The following EDIL3 variants were observed in gnomAD, a reference collection of about 807,000 sequenced individuals.
EDIL3 encodes EGF-like repeat and discoidin I-like domain-containing protein 3.
Under a neutral mutation model 67.4 loss-of-function variants are expected in EDIL3, and 37 were observed. That is an observed-to-expected ratio of 0.55 (90% confidence interval 0.42 to 0.72). EDIL3 has a LOEUF of 0.72. EDIL3 is among the 30% of genes least tolerant of loss of function. The pLI is 0.00. For missense variants in EDIL3, 527 were observed against 586.3 expected, an observed-to-expected ratio of 0.90 and a Z score of 1.04; for synonymous variants, 195 against 196.3, an observed-to-expected ratio of 0.99 and a Z score of 0.05.
intron 1 of EDIL3, among the ~76,000 whole-genome samples, chr5:84,331,322 G>A (rs2112165975): frequency 6.6e-6 from 1 of 152,238 alleles, no homozygotes; most frequent in East Asian, 1.9e-4. Flanking sequence ...GGGATGGACT[G>A]ATATGGTTTG....
At chr5:83,963,401 A>G (rs771732336) in intron 9 of EDIL3, 41 bp from the exon 10 acceptor site, 43 of 1,548,366 alleles carry the variant, frequency 2.8e-5, no homozygotes, top group Non-Finnish European at 3.6e-5. Context: ...TGCGACAACC[A>G]AGTTGTAAAC....
intron 4 of EDIL3, among the ~76,000 whole-genome samples, chr5:84,157,835 C>T (rs868552115): frequency 9.2e-5 from 14 of 151,814 alleles, no homozygotes; most frequent in Admixed American, 2.0e-4. Context: ...AATAACGTAA[C>T]GCTAAATGTA....
intron 1 of EDIL3, among the ~76,000 whole-genome samples, chr5:84,322,961 G>T (rs1746680331): frequency 6.6e-6 from 1 of 151,882 alleles, no homozygotes; most frequent in Non-Finnish European, 1.5e-5. Context: ...CCTGTATCCT[G>T]CAATACTGTC....
intron 1 of EDIL3, among the ~76,000 whole-genome samples, chr5:84,322,943 T>C (rs1450808387): frequency 6.6e-6 from 1 of 151,834 alleles, no homozygotes; most frequent in Admixed American, 6.6e-5. Flanking sequence ...AAAATGTCAA[T>C]CAAGAATCCT....
Position 84,139,559 on chromosome 5 carries a change from T to A in EDIL3, c.356-2205A>T, listed in dbSNP as rs1049085574. ...ACTCAATTATGCATGACAATAACAA[T>A]GTTTGGCTACCTTGGAACATGCCCA... On this transcript the variant is annotated intron_variant, in intron 4 of 10. Transcript: ENST00000296591. Among the ~76,000 whole-genome samples, 9 of 152,248 alleles carry A rather than the reference T, an allele frequency of 5.9e-5. 1 individual carries two copies. Among genetic ancestry groups the A allele is most frequent in the Admixed American group, 5.9e-4 (9 of 15,282 alleles).
intron 9 of EDIL3, among the ~76,000 whole-genome samples, chr5:84,054,346 A>G (rs1451489623): frequency 1.3e-5 from 2 of 152,222 alleles, no homozygotes; most frequent in African/African-American, 4.8e-5. Context: ...ACTCACAGCC[A>G]ATATCATACT....
chr5:84,188,915 G>A (rs888749971), intron 3 of EDIL3, among the ~76,000 whole-genome samples: 1 of 152,044 alleles, frequency 6.6e-6, no homozygotes, highest in Non-Finnish European at 1.5e-5. Flanking sequence ...TGTAATGGAA[G>A]CCCTAGCAAA....
At chr5:84,277,994 C>A (rs762861543) in intron 1 of EDIL3, among the ~76,000 whole-genome samples, 1 of 152,126 alleles carries the variant, frequency 6.6e-6, no homozygotes, top group Admixed American at 6.6e-5. Context: ...TTTGTGTGTA[C>A]CATATTTTCC....
chr5:84,277,203 G>A (rs1233049275), intron 1 of EDIL3, among the ~76,000 whole-genome samples: 1 of 152,068 alleles, frequency 6.6e-6, no homozygotes, highest in African/African-American at 2.4e-5. Flanking sequence ...CCCCCAAGGC[G>A]ATGGTATTAA....
intron 1 of EDIL3, among the ~76,000 whole-genome samples, chr5:84,371,319 G>GTA (rs71607709): frequency 0.051 from 5,847 of 115,374 alleles, 214 homozygotes; most frequent in African/African-American, 0.096. Flanking sequence ...TAGATAAAAA[G>GTA]TATATATATA....
At chr5:84,062,811 A>C (rs1444241087) in intron 8 of EDIL3, among the ~76,000 whole-genome samples, 1 of 152,088 alleles carries the variant, frequency 6.6e-6, no homozygotes, top group Non-Finnish European at 1.5e-5. Flanking sequence ...TGTTACAGCT[A>C]ACCTCTCTGC....
intron 9 of EDIL3, among the ~76,000 whole-genome samples, chr5:84,039,718 T>C (rs1746086169): frequency 6.6e-6 from 1 of 152,124 alleles, no homozygotes; most frequent in African/African-American, 2.4e-5. Context: ...GAATTTCAGA[T>C]AAACTACATT....
chr5:84,051,220 C>T (rs111545589), intron 9 of EDIL3, among the ~76,000 whole-genome samples: 109 of 152,316 alleles, frequency 7.2e-4, no homozygotes, highest in African/African-American at 2.4e-3. Flanking sequence ...AGCAGACCTC[C>T]AGCAAACTCC....
At chr5:84,360,545 A>G (rs1747576059) in intron 1 of EDIL3, among the ~76,000 whole-genome samples, 1 of 152,230 alleles carries the variant, frequency 6.6e-6, no homozygotes, top group African/African-American at 2.4e-5. Context: ...ATCATTTCCT[A>G]TTAGATTAGT....
At chr5:84,209,741 T>C (rs560358153) in intron 3 of EDIL3, among the ~76,000 whole-genome samples, 3 of 152,352 alleles carry the variant, frequency 2.0e-5, no homozygotes, top group African/African-American at 7.2e-5. Context: ...GCGGTAACAC[T>C]GAGCAACAGA....
chr5:84,270,540 A>T (rs972102690), intron 1 of EDIL3, among the ~76,000 whole-genome samples: 28 of 152,334 alleles, frequency 1.8e-4, no homozygotes, highest in Middle Eastern at 3.4e-3. Context: ...AATTAATTCT[A>T]GAACAATTCT....
intron 3 of EDIL3, among the ~76,000 whole-genome samples, chr5:84,212,319 T>C (rs186822563): frequency 2.0e-5 from 3 of 152,282 alleles, no homozygotes; most frequent in Admixed American, 1.3e-4. Context: ...ATGAGTCCAG[T>C]TGAGAATGAG....
chr5:84,271,414 T>TATAAATAA (rs1370904698), intron 1 of EDIL3, among the ~76,000 whole-genome samples: 3 of 96,340 alleles, frequency 3.1e-5, no homozygotes, highest in African/African-American at 8.3e-5. Context: ...ACTCTGTCTC[T>TATAAATAA]ACAAATAAAT....
At chr5:83,949,918 G>T (rs1467179181) in intron 10 of EDIL3, among the ~76,000 whole-genome samples, 2 of 151,812 alleles carry the variant, frequency 1.3e-5, no homozygotes, top group Non-Finnish European at 2.9e-5. Flanking sequence ...TAACATTGTG[G>T]TTTACAGTGG....
Sources: allele counts gnomAD v4.1 joint callset (sites outside exome capture counted in the v4.1 genomes callset), GRCh38; gene constraint gnomAD v4.1.1; transcripts MANE v1.5; gene names NCBI Gene and HGNC (gene_info 2026-07-23, HGNC 2026-07-21).